The following AP2B1 variants were observed in gnomAD, a reference collection of about 807,000 sequenced individuals.
AP2B1 encodes AP-2 complex subunit beta.
AP2B1 carries 23 observed loss-of-function variants against 102.0 expected under a neutral mutation model. The observed-to-expected ratio is 0.23, with a 90% CI of 0.16 to 0.32. AP2B1 has a LOEUF of 0.32. Ranked by LOEUF, AP2B1 falls within the 10% of genes least tolerant of loss-of-function variation. The pLI is 1.00. For synonymous variants in AP2B1, 381 were observed against 421.2 expected (o/e 0.90, Z 1.17); for missense variants, 541 against 1,157.4 (o/e 0.47, Z 7.73).
At chr17:35,645,684 T>C (rs1222012512) in intron 12 of AP2B1, among the ~76,000 whole-genome samples, 1 of 152,052 alleles carries the variant, frequency 6.6e-6, no homozygotes, top group Non-Finnish European at 1.5e-5. Flanking sequence ...ACCCCATCTC[T>C]ACTAAAAATA....
In AP2B1 at chr17:35,671,893, C is replaced by A; in HGVS notation, c.2171C>A (p.Pro724His). ...ATGGCACCTGGTGGATATGTGGCTC[C>A]TAAGGCTGTAAGTAAAGAGTTAACA... ...IGMAPGGYVA[P>H]KAVWLPAVKA... The change falls in exon 16 of 22, where the codon CCT (proline) becomes CAT (histidine). Residue 724 changes from proline to histidine, a missense_variant. Pro to His is a moderately conservative substitution (Grantham distance 77). This residue lies in a region of AP2B1 where 62 missense variants were observed against 87.6 expected (regional missense o/e 0.71). Coordinates refer to ENST00000610402, the MANE Select transcript of AP2B1 (RefSeq NM_001030006.2). 6.2e-7 allele frequency: 1 copy of A among 1,614,010 alleles called. No individual in the cohort carries two copies. Among genetic ancestry groups the A allele is most frequent in the Non-Finnish European group, 8.5e-7 (1 of 1,179,920 alleles).
intron 3 of AP2B1, among the ~76,000 whole-genome samples, chr17:35,603,691 A>G (rs1001032320): frequency 2.0e-5 from 3 of 152,256 alleles, no homozygotes; most frequent in Non-Finnish European, 4.4e-5. Flanking sequence ...ATACCAGGTC[A>G]TATCACAAGG....
chr17:35,709,160 T>A, intron 18 of AP2B1, 64 bp from the exon 19 acceptor site: 1 of 1,385,414 alleles, frequency 7.2e-7, no homozygotes. Context: ...GACACAGCGC[T>A]GTTCTTTTCC....
chr17:35,693,490 T>C (rs587676099), intron 18 of AP2B1, among the ~76,000 whole-genome samples: 1 of 152,332 alleles, frequency 6.6e-6, no homozygotes, highest in South Asian at 2.1e-4. Context: ...TTCTTTTTTT[T>C]TTCTACTTAA....
At chr17:35,628,358 T>G (rs1037592) in intron 9 of AP2B1, among the ~76,000 whole-genome samples, 1 of 152,030 alleles carries the variant, frequency 6.6e-6, no homozygotes, top group Non-Finnish European at 1.5e-5. Flanking sequence ...TCCCAGCACT[T>G]TGGGAGGCCA....
At chr17:35,650,382 A>T (rs992959970) in intron 12 of AP2B1, 148 bp from the exon 13 acceptor site, 3 of 922,570 alleles carry the variant, frequency 3.3e-6, no homozygotes, top group Non-Finnish European at 4.9e-6. Context: ...GGCATGAGCT[A>T]TGAGCTACCA....
In AP2B1 at chr17:35,665,612, A is replaced by G. The variant is rs72828086; in HGVS notation, c.1990-5245A>G. 2.3e-3 allele frequency among the ~76,000 whole-genome samples: 349 copies of G among 152,360 alleles called. 1 individual carries two copies. Among genetic ancestry groups the G allele is most frequent in the South Asian group, 6.2e-3 (30 of 4,830 alleles). On this transcript the variant is annotated intron_variant, in intron 14 of 21. Coordinates refer to ENST00000610402, the MANE Select transcript of AP2B1 (RefSeq NM_001030006.2). Reference sequence around the variant, plus strand: ...TATTGTTTGTGAAGGGAATCATTGTATACTATTTTTGCACCATTCTGTTGA... The same window carrying G: ...TATTGTTTGTGAAGGGAATCATTGTGTACTATTTTTGCACCATTCTGTTGA...
At chr17:35,588,688 G>T (rs1466444313) in intron 1 of AP2B1, 1 of 152,228 alleles carries the variant, frequency 6.6e-6, no homozygotes, top group African/African-American at 2.4e-5. Context: ...AGCTCTATAA[G>T]AAAACGTGTT....
chr17:35,634,833 A>G (rs184443430), intron 9 of AP2B1, among the ~76,000 whole-genome samples: 72 of 152,236 alleles, frequency 4.7e-4, no homozygotes, highest in Admixed American at 1.1e-3. Flanking sequence ...GTTTAAAGAC[A>G]CCCTCTGCTA....
chr17:35,721,837 T>TAA (rs1351771397), intron 21 of AP2B1, among the ~76,000 whole-genome samples: 3 of 152,202 alleles, frequency 2.0e-5, no homozygotes, highest in African/African-American at 7.2e-5. Context: ...TCTTAAGCTG[T>TAA]TGTTTCTCTT....
intron 8 of AP2B1, 24 bp downstream of exon 8, chr17:35,627,529 T>C (rs748089513): frequency 9.3e-6 from 15 of 1,613,802 alleles, no homozygotes; most frequent in Admixed American, 3.3e-5. Context: ...CAGACTCAAG[T>C]TGATGATGAT....
At chr17:35,619,543 A>G (rs556787158) in intron 5 of AP2B1, among the ~76,000 whole-genome samples, 1 of 152,196 alleles carries the variant, frequency 6.6e-6, no homozygotes, top group South Asian at 2.1e-4. Flanking sequence ...CATATTGAAG[A>G]GAAGTCTGTA....
At chr17:35,709,527 TA>T (rs2076406502) in intron 19 of AP2B1, among the ~76,000 whole-genome samples, 1 of 152,172 alleles carries the variant, frequency 6.6e-6, no homozygotes, top group Admixed American at 6.5e-5. Context: ...AATATCTGAA[TA>T]ATCCAGTCAC....
At chr17:35,682,374 C>T (rs1265941731) in intron 17 of AP2B1, among the ~76,000 whole-genome samples, 1 of 115,000 alleles carries the variant, frequency 8.7e-6, no homozygotes, top group Non-Finnish European at 1.7e-5. Flanking sequence ...TGGAGTTTCA[C>T]TCTTATTGAC....
chr17:35,627,070 G>T (rs894981970), intron 7 of AP2B1, among the ~76,000 whole-genome samples: 4 of 151,966 alleles, frequency 2.6e-5, no homozygotes, highest in Admixed American at 6.6e-5. Context: ...TTTCTGAAGG[G>T]TCTCTTTCTG....
At chr17:35,601,050 C>T (rs1014679908) in intron 3 of AP2B1, 14 of 976,816 alleles carry the variant, frequency 1.4e-5, no homozygotes, top group African/African-American at 8.8e-5. Context: ...AGTTGGCAAA[C>T]GTTTTTGTAA....
chr17:35,681,579 C>A (rs2075823105), intron 17 of AP2B1, among the ~76,000 whole-genome samples: 2 of 151,822 alleles, frequency 1.3e-5, no homozygotes, highest in Admixed American at 6.6e-5. Flanking sequence ...AATTTGTTTT[C>A]TTTTATTACT....
intron 14 of AP2B1, among the ~76,000 whole-genome samples, chr17:35,663,877 A>G (rs2075407452): frequency 6.6e-6 from 1 of 152,182 alleles, no homozygotes; most frequent in African/African-American, 2.4e-5. Flanking sequence ...AAGAAAAGAG[A>G]CTGAATAATG....
intron 14 of AP2B1, among the ~76,000 whole-genome samples, chr17:35,661,139 T>C (rs1210530943): frequency 6.6e-6 from 1 of 152,142 alleles, no homozygotes; most frequent in Non-Finnish European, 1.5e-5. Context: ...AAGTATTGCC[T>C]GGTTCCTGAT....
Sources: gnomAD v4.1 joint callset for allele counts (sites outside exome capture counted in the v4.1 genomes callset) on GRCh38, gnomAD v4.1.1 for gene constraint, gnomAD v4.1.1 regional missense constraint, MANE v1.5 for transcripts, NCBI Gene and HGNC (gene_info 2026-07-23, HGNC 2026-07-21) for gene names.